FGD4: variants seen among roughly 807,000 people sequenced by gnomAD.
FGD4 encodes the protein FYVE, RhoGEF and PH domain containing 4, also known as FYVE, RhoGEF and PH domain-containing protein 4.
In FGD4, 42 loss-of-function variants were observed where a neutral mutation model predicts 102.0. The ratio of observed to expected loss-of-function variants is 0.41; its 90% CI spans 0.32 to 0.53. FGD4 has a LOEUF of 0.53. Ranked by LOEUF, FGD4 falls within the 20% of genes least tolerant of loss-of-function variation. FGD4 has a pLI of 0.21. For synonymous variants in FGD4, 380 were observed against 375.7 expected, an observed-to-expected ratio of 1.01 and a Z score of -0.13; for missense variants, 902 against 1,078.2, an observed-to-expected ratio of 0.84 and a Z score of 2.29.
intron 1 of FGD4, among the ~76,000 whole-genome samples, chr12:32,481,028 GC>G (rs1031533865): frequency 1.3e-5 from 2 of 149,284 alleles, no homozygotes; most frequent in Non-Finnish European, 3.0e-5. Flanking sequence ...TGTTGCCCGG[GC>G]TGGCCTTGAA....
At chr12:32,615,718 C>A (rs953127988) in intron 10 of FGD4, among the ~76,000 whole-genome samples, 5 of 151,886 alleles carry the variant, frequency 3.3e-5, no homozygotes, top group African/African-American at 1.2e-4. Flanking sequence ...GGCAGAGGAG[C>A]AAGCAGAAAA....
chr12:32,413,272 G>GTA (rs1941280163), intron 1 of FGD4, among the ~76,000 whole-genome samples: 1 of 151,258 alleles, frequency 6.6e-6, no homozygotes, highest in African/African-American at 2.4e-5. Flanking sequence ...AGAACTTAAA[G>GTA]TATATATAAA....
intron 1 of FGD4, among the ~76,000 whole-genome samples, chr12:32,482,806 A>G (rs1369344374): frequency 3.3e-5 from 5 of 152,238 alleles, no homozygotes; most frequent in Non-Finnish European, 7.3e-5. Flanking sequence ...CTTTGGGAGG[A>G]TAAGCAGACG....
At chr12:32,636,162 C>G (rs1950801632) in intron 15 of FGD4, among the ~76,000 whole-genome samples, 1 of 152,054 alleles carries the variant, frequency 6.6e-6, no homozygotes, top group Non-Finnish European at 1.5e-5. Context: ...AAAAAACACC[C>G]TGGCTCATGG....
chr12:32,638,167 G>A (rs886494427), intron 15 of FGD4, among the ~76,000 whole-genome samples: 14 of 152,178 alleles, frequency 9.2e-5, no homozygotes, highest in Admixed American at 2.6e-4. Flanking sequence ...TTCAAGACCA[G>A]TGTGGGCAAT....
In FGD4 at chr12:32,602,270, A is replaced by G. The variant is rs1816663599; in HGVS notation, c.1357A>G (p.Met453Val). Residue 453 changes from methionine (M) to valine (V), a missense_variant, in exon 7 of 17, where the codon ATG (methionine) becomes GTG (valine). Physicochemically the swap from Met to Val is conservative, Grantham distance 21. This residue lies in a region of FGD4 where 459 missense variants were observed against 619.0 expected (regional missense o/e 0.74). Transcript: ENST00000534526. The stretch of plus-strand genomic sequence containing the variant: ...TAATGCAATGGAATTGGTTAAAAAC[A>G]TGACAGAACGTATTCCCCAGTTCAA... ...FDNAMELVKN[M>V]TERIPQFKSV... The G allele has an allele frequency of 5.6e-6, 9 of 1,614,190 alleles. No individual in the cohort carries two copies. The highest frequency in any genetic ancestry group is 1.6e-4 in the Middle Eastern group (1 of 6,062).
intron 1 of FGD4, among the ~76,000 whole-genome samples, chr12:32,490,013 T>G (rs1002177041): frequency 5.3e-5 from 8 of 152,190 alleles, no homozygotes; most frequent in African/African-American, 1.9e-4. Context: ...GTATCCTGTT[T>G]AAAAAATTTC....
chr12:32,523,511 A>G (rs1218430258), intron 1 of FGD4, among the ~76,000 whole-genome samples: 1 of 152,214 alleles, frequency 6.6e-6, no homozygotes, highest in South Asian at 2.1e-4. Flanking sequence ...GAGGACTGTC[A>G]TGGTAGGTAT....
intron 1 of FGD4, among the ~76,000 whole-genome samples, chr12:32,413,573 T>G (rs768605938): frequency 3.3e-5 from 5 of 152,222 alleles, no homozygotes; most frequent in Non-Finnish European, 7.3e-5. Flanking sequence ...CATGCATCTT[T>G]GGGGAAAACT....
chr12:32,594,445 C>G (rs1289221493), intron 4 of FGD4, among the ~76,000 whole-genome samples: 1 of 152,144 alleles, frequency 6.6e-6, no homozygotes. Context: ...CCCACTGATT[C>G]AACATTATGG....
intron 1 of FGD4, among the ~76,000 whole-genome samples, chr12:32,505,934 C>G (rs563424503): frequency 1.4e-4 from 21 of 152,088 alleles, no homozygotes; most frequent in African/African-American, 4.8e-4. Flanking sequence ...TTTTTAGATT[C>G]CTGTTATACA....
At chr12:32,519,624 C>T (rs1940287547) in intron 1 of FGD4, among the ~76,000 whole-genome samples, 1 of 151,924 alleles carries the variant, frequency 6.6e-6, no homozygotes, top group African/African-American at 2.4e-5. Context: ...GACCTTGCCT[C>T]TGCTTAAAAA....
intron 11 of FGD4, 32 bp downstream of exon 11, chr12:32,619,902 CA>C: frequency 6.2e-7 from 1 of 1,610,384 alleles, no homozygotes; most frequent in African/African-American, 1.3e-5. Context: ...CACTGCTTTC[CA>C]AAATCAGGCA....
intron 1 of FGD4, among the ~76,000 whole-genome samples, chr12:32,442,429 C>T (rs1221442173): frequency 6.6e-6 from 1 of 152,012 alleles, no homozygotes; most frequent in East Asian, 1.9e-4. Flanking sequence ...GAGTGCTTAC[C>T]TGACTTTTGG....
chr12:32,480,167 T>G (rs1222802703), intron 1 of FGD4, among the ~76,000 whole-genome samples: 3 of 139,692 alleles, frequency 2.1e-5, no homozygotes, highest in Admixed American at 1.4e-4. Context: ...TTTTTTTTGT[T>G]TTTTTTGTTT....
At chr12:32,540,561 CTTTT>C (rs1004155312) in intron 1 of FGD4, among the ~76,000 whole-genome samples, 1 of 142,874 alleles carries the variant, frequency 7.0e-6, no homozygotes, top group African/African-American at 2.7e-5. Context: ...TTCTTTCTTT[CTTTT>C]CTTTTTTTTT....
intron 1 of FGD4, among the ~76,000 whole-genome samples, chr12:32,507,787 G>C (rs1165948654): frequency 3.3e-5 from 5 of 152,126 alleles, no homozygotes; most frequent in African/African-American, 1.2e-4. Context: ...AGAACTTGTG[G>C]GGTTATCCTG....
At chr12:32,530,419 G>C (rs904358638) in intron 1 of FGD4, among the ~76,000 whole-genome samples, 1 of 152,158 alleles carries the variant, frequency 6.6e-6, no homozygotes, top group Non-Finnish European at 1.5e-5. Flanking sequence ...GGAGGCGGAG[G>C]TTGCAGTGAG....
At chr12:32,604,807 AT>A in intron 7 of FGD4, among the ~76,000 whole-genome samples, 1 of 152,308 alleles carries the variant, frequency 6.6e-6, no homozygotes, top group African/African-American at 2.4e-5. Flanking sequence ...AATGCCACAG[AT>A]TCTCACCGTT....
Sources: allele counts gnomAD v4.1 joint callset (sites outside exome capture counted in the v4.1 genomes callset), GRCh38; gene constraint gnomAD v4.1.1; regional missense constraint gnomAD v4.1.1; transcripts MANE v1.5; gene names NCBI Gene and HGNC (gene_info 2026-07-23, HGNC 2026-07-21).